The following PHKG2 variants were observed in gnomAD, a reference collection of about 807,000 sequenced individuals.
PHKG2 encodes phosphorylase b kinase gamma catalytic chain, liver/testis isoform.
A neutral mutation model predicts 44.5 loss-of-function variants in PHKG2; 28 were observed. That is an observed-to-expected ratio of 0.63 (90% CI 0.47 to 0.86). The LOEUF (loss-of-function observed/expected upper bound fraction) is 0.86, where lower values mean the gene tolerates loss of function less well. Among genes scored for constraint, PHKG2 ranks in the 40% least tolerant of loss-of-function variants. The probability of loss-of-function intolerance (pLI) is 0.00; values close to 1 mark genes in which losing one functional copy is unlikely to be tolerated. For synonymous variants in PHKG2, 220 were observed against 211.2 expected (o/e 1.04, Z -0.36); for missense variants, 498 against 547.5 (o/e 0.91, Z 0.90).
rs1256315342 is a variant in PHKG2 at position 30,756,882 on chromosome 16, C to A, written c.1006C>A (p.Leu336Met). ...HRVRPLTKNA[L>M]LRDPYALRSV... is the part of the protein sequence containing the mutation. Reference sequence around the variant, plus strand: ...TGTACGGCCACTGACCAAGAATGCACTGTTGAGGGACCCTTATGCGCTGCG... The same window carrying A: ...TGTACGGCCACTGACCAAGAATGCAATGTTGAGGGACCCTTATGCGCTGCG... The change falls in exon 10 of 10, where the codon CTG (leucine) becomes ATG (methionine). Residue 336 changes from leucine to methionine, a missense_variant. By Grantham distance (15) the Leu-to-Met change is conservative. Coordinates refer to ENST00000563588, the MANE Select transcript of PHKG2 (RefSeq NM_000294.3). 2.0e-5 allele frequency: 33 copies of A among 1,614,058 alleles called. No individual in the cohort carries two copies. Among genetic ancestry groups the A allele is most frequent in the Non-Finnish European group, 2.5e-5 (29 of 1,180,050 alleles).
intron 2 of PHKG2, among the ~76,000 whole-genome samples, chr16:30,749,197 TGGTG>T (rs2053309115): frequency 6.1e-5 from 3 of 49,418 alleles, no homozygotes; most frequent in African/African-American, 8.0e-5. Context: ...GTGGTGGTGC[TGGTG>T]GTGGTGTGTG....
At position 30,754,675 on chromosome 16, in the gene PHKG2, AAAAC is replaced by A. The variant is rs1284378005; in HGVS notation, c.556+1119_556+1122del. ...ACATGTCTGGTGGATGTTGTACTTTAAAACCCTTTGGCTTCCACATGTACTTTTC... is the reference window on the plus strand; with the variant it reads ...ACATGTCTGGTGGATGTTGTACTTTACCTTTGGCTTCCACATGTACTTTTC... On this transcript the variant is annotated intron_variant, in intron 6 of 9. Transcript: ENST00000563588. Among the ~76,000 whole-genome samples, 7 of 152,166 alleles carry A rather than the reference AAAAC, an allele frequency of 4.6e-5. No individual in the cohort carries two copies. In the East Asian group the frequency reaches 1.3e-3, roughly 29 times the overall value.
In PHKG2 at chr16:30,758,843, C is replaced by T; in HGVS notation, c.*1746C>T. ...GGATTACAGGTGTGAGCCACCACGC[C>T]TGGCCTGCAGCTGTGCTTTTATCTG... On this transcript the variant is annotated 3_prime_UTR_variant, in exon 10 of 10. Transcript: ENST00000563588. The T allele has an allele frequency of 1.7e-6, 2 of 1,207,500 alleles. No homozygotes were observed. The highest frequency in any genetic ancestry group is 1.1e-6 in the Non-Finnish European group (1 of 887,214). 74.8% of individuals were successfully genotyped at this position (1,207,500 alleles called of 1,614,324 possible).
At chr16:30,749,949 G>T (rs1378153699) in intron 2 of PHKG2, among the ~76,000 whole-genome samples, 1 of 151,202 alleles carries the variant, frequency 6.6e-6, no homozygotes, top group Admixed American at 6.6e-5. Context: ...GGGTCTTGAG[G>T]TATGAGTAGG....
At position 30,756,579 on chromosome 16, in the gene PHKG2, G is replaced by A; in HGVS notation, c.802-11G>A. The A allele has an allele frequency of 6.2e-7, 1 of 1,613,578 alleles. No homozygotes were observed. The highest frequency in any genetic ancestry group is 2.2e-5 in the East Asian group (1 of 44,876). On this transcript the variant is annotated splice_polypyrimidine_tract_variant and intron_variant, in intron 8 of 9. Coordinates refer to ENST00000563588, the MANE Select transcript of PHKG2 (RefSeq NM_000294.3). The stretch of plus-strand genomic sequence containing the variant: ...CCAAGAGCTGCCCCTCATGCTCTGG[G>A]TCTCTCCTAGATCTCCAGGCTGCTG...
Position 30,760,161 on chromosome 16 carries a change from T to A in PHKG2, c.*3064T>A, listed in dbSNP as rs776771755. On this transcript the variant is annotated 3_prime_UTR_variant, in exon 10 of 10. Transcript: ENST00000563588. ...TGGAAAGCTGATGGCTTGTGTATGA[T>A]GATGCTACTAATAATGACATATTCC... The A allele has an allele frequency of 3.6e-5, 57 of 1,589,638 alleles. No homozygotes were observed. The highest frequency in any genetic ancestry group is 4.8e-5 in the Non-Finnish European group (56 of 1,174,220).
Position 30,760,953 on chromosome 16 carries a change from C to G in PHKG2, c.*3856C>G, listed in dbSNP as rs1051979942. On this transcript the variant is annotated 3_prime_UTR_variant, in exon 10 of 10. Transcript: ENST00000563588. The stretch of plus-strand genomic sequence containing the variant: ...TCCCTGTGGCCCTCAGTGTCCCCCT[C>G]TGTACAATACTCCTTAGCGGCCATG... 1.6e-6 allele frequency: 1 copy of G among 610,836 alleles called. No individual in the cohort carries two copies. The highest frequency in any genetic ancestry group is 2.0e-5 in the South Asian group (1 of 50,018). The allele number at this position is 610,836 out of a possible 1,614,324, so 37.8% of individuals were successfully genotyped here.
In PHKG2 at chr16:30,759,769, CCATT is replaced by C; in HGVS notation, c.*2679_*2682del. Reference sequence around the variant, plus strand: ...GCAGCAGTGAGGCCCTCTCTGGTATCCATTCATTCACTTCACTCAACAGCTGTTT... The same window carrying C: ...GCAGCAGTGAGGCCCTCTCTGGTATCCATTCACTTCACTCAACAGCTGTTT... On this transcript the variant is annotated 3_prime_UTR_variant, in exon 10 of 10. Transcript: ENST00000563588. The C allele has an allele frequency of 3.2e-6, 5 of 1,561,888 alleles. No homozygotes were observed. Among genetic ancestry groups the C allele is most frequent in the Non-Finnish European group, 4.3e-6 (5 of 1,155,978 alleles).
intron 2 of PHKG2, among the ~76,000 whole-genome samples, chr16:30,749,772 C>T (rs371907613): frequency 5.9e-5 from 9 of 152,202 alleles, no homozygotes; most frequent in African/African-American, 1.9e-4. Flanking sequence ...AAGCTCAACA[C>T]GGGGAGGGCA....
rs1567272286 is a variant in PHKG2 at position 30,760,614 on chromosome 16, C to G, written c.*3517C>G. 5 of 1,557,984 alleles carry G rather than the reference C, an allele frequency of 3.2e-6. No homozygotes were observed. The African/African-American group carries it at 6.8e-5, about 21-fold the overall frequency. ...CCCCCCTCAGTCCCTACTCCCTCAT[C>G]TCAGCATTGGTGGTCTTCTCCAGCT... On this transcript the variant is annotated 3_prime_UTR_variant, in exon 10 of 10. Transcript: ENST00000563588.
rs187063168 is a variant in PHKG2 at position 30,759,007 on chromosome 16, C to T, written c.*1910C>T. 6.2e-7 allele frequency: 1 copy of T among 1,614,220 alleles called. No individual in the cohort carries two copies. The highest frequency in any genetic ancestry group is 1.3e-5 in the African/African-American group (1 of 75,070). Reference sequence around the variant, plus strand: ...CAGGGCAGCCTGCCCTCTCCAGATCCTCACTTGGCTCTGGCTCTGGTGGGG... The same window carrying T: ...CAGGGCAGCCTGCCCTCTCCAGATCTTCACTTGGCTCTGGCTCTGGTGGGG... On this transcript the variant is annotated 3_prime_UTR_variant, in exon 10 of 10. Transcript: ENST00000563588.
rs1476126532 is a variant in PHKG2 at position 30,756,415 on chromosome 16, C to G, written c.696C>G (p.Pro232=). 9 of 1,613,968 alleles carry G rather than the reference C, an allele frequency of 5.6e-6. No individual in the cohort carries two copies. The highest frequency in any genetic ancestry group is 6.8e-6 in the Non-Finnish European group (8 of 1,180,032). The part of the protein sequence containing the change: ...ILFTLLAGSP[P]FWHRRQILML... The stretch of plus-strand genomic sequence containing the variant: ...TCACACTCCTGGCTGGCTCGCCACC[C>G]TTCTGGCACCGGCGGCAGATCCTGA... Residue 232 remains proline (P), a synonymous_variant, in exon 8 of 10, where the codon CCC becomes CCG. Transcript: ENST00000563588.
In PHKG2 at chr16:30,757,372, T is replaced by C; in HGVS notation, c.*275T>C. The C allele has an allele frequency of 6.5e-7, 1 of 1,542,136 alleles. No individual in the cohort carries two copies. Among genetic ancestry groups the C allele is most frequent in the Non-Finnish European group, 8.7e-7 (1 of 1,145,136 alleles). On this transcript the variant is annotated 3_prime_UTR_variant, in exon 10 of 10. Coordinates refer to ENST00000563588, the MANE Select transcript of PHKG2 (RefSeq NM_000294.3). ...TGCTACACGCCAGGGAGAACAGGTGTCCTGTGTCTGTCTGGCTTGGGCAGG... is the reference window on the plus strand; with the variant it reads ...TGCTACACGCCAGGGAGAACAGGTGCCCTGTGTCTGTCTGGCTTGGGCAGG...
chr16:30,755,685 A>C (rs988724621), intron 6 of PHKG2, among the ~76,000 whole-genome samples: 1 of 152,328 alleles, frequency 6.6e-6, no homozygotes, highest in African/African-American at 2.4e-5. Flanking sequence ...CCAAAAAAAA[A>C]AGAAAAGAAA....
At chr16:30,748,961 C>T (rs2053292783) in intron 2 of PHKG2, 46 bp downstream of exon 2, 1 of 1,367,670 alleles carries the variant, frequency 7.3e-7, no homozygotes, top group Middle Eastern at 1.8e-4. Context: ...GGTCGAGCCC[C>T]AGCATTCCCG....
rs1348639880 is a variant in PHKG2, at chr16:30,760,605, C to G, written c.*3508C>G. The G allele has an allele frequency of 6.4e-7, 1 of 1,558,584 alleles. No homozygotes were observed. Among genetic ancestry groups the G allele is most frequent in the South Asian group, 1.2e-5 (1 of 84,880 alleles). On this transcript the variant is annotated 3_prime_UTR_variant, in exon 10 of 10. Transcript: ENST00000563588. Reference sequence around the variant, plus strand: ...CTTCCCACGCCCCCCTCAGTCCCTACTCCCTCATCTCAGCATTGGTGGTCT... The same window carrying G: ...CTTCCCACGCCCCCCTCAGTCCCTAGTCCCTCATCTCAGCATTGGTGGTCT...
In PHKG2 at chr16:30,760,732, T is replaced by C. The variant is rs1007651425; in HGVS notation, c.*3635T>C. 9.0e-6 allele frequency: 13 copies of C among 1,448,782 alleles called. No homozygotes were observed. In the South Asian group the frequency reaches 1.3e-4, roughly 15 times the overall value. The allele number at this position is 1,448,782 out of a possible 1,614,324, so 89.7% of individuals were successfully genotyped here. The stretch of plus-strand genomic sequence containing the variant: ...CCTATCATGACAAGGCTGTGACAGC[T>C]AGTGCGTGAGACTGGGAGTTGGCCA... On this transcript the variant is annotated 3_prime_UTR_variant, in exon 10 of 10. Transcript: ENST00000563588.
intron 4 of PHKG2, 200 bp downstream of exon 4, chr16:30,751,803 G>C: frequency 1.5e-6 from 1 of 667,188 alleles, no homozygotes; most frequent in Non-Finnish European, 2.8e-6. Flanking sequence ...TTCTTTAATA[G>C]TGACTAGTGG....
rs753185535 is a variant in PHKG2, at chr16:30,757,601, C to G, written c.*504C>G. On this transcript the variant is annotated 3_prime_UTR_variant, in exon 10 of 10. Coordinates refer to ENST00000563588, the MANE Select transcript of PHKG2 (RefSeq NM_000294.3). ...TCCTCCACCAGCCCCTGGAGCTGCT[C>G]CAGCTCTTTGTTCACTTGGGTCTTG... 2.5e-6 allele frequency: 4 copies of G among 1,614,178 alleles called. No homozygotes were observed. In the South Asian group the frequency reaches 4.4e-5, roughly 18 times the overall value.
Sources: allele counts gnomAD v4.1 joint callset (sites outside exome capture counted in the v4.1 genomes callset), GRCh38; gene constraint gnomAD v4.1.1; transcripts MANE v1.5; gene names NCBI Gene and HGNC (gene_info 2026-07-23, HGNC 2026-07-21).